CD163L1: variants seen among roughly 807,000 people sequenced by gnomAD.
CD163L1 encodes scavenger receptor cysteine-rich type 1 protein M160.
A neutral mutation model predicts 165.4 loss-of-function variants in CD163L1; 124 were observed. The ratio of observed to expected loss-of-function variants is 0.75; its 90% CI spans 0.65 to 0.87. CD163L1 has a LOEUF of 0.87. Ranked by LOEUF, CD163L1 falls within the 40% of genes least tolerant of loss-of-function variation. The pLI is 0.00. For missense variants in CD163L1, 1,525 were observed against 1,799.9 expected, an observed-to-expected ratio of 0.85 and a Z score of 2.76; for synonymous variants, 585 against 662.2, an observed-to-expected ratio of 0.88 and a Z score of 1.79.
chr12:7,438,313 T>G (rs951407419), intron 2 of CD163L1, among the ~76,000 whole-genome samples: 1 of 152,202 alleles, frequency 6.6e-6, no homozygotes, highest in Non-Finnish European at 1.5e-5. Context: ...ATATCCATTT[T>G]GCAAAGCCAT....
In CD163L1 at chr12:7,368,099, G is replaced by A; in HGVS notation, c.4171C>T (p.Leu1391=). ...TWCRVQKQKH[L]PLRVSTRRRG... is the part of the protein sequence containing the mutation. ...GTGGGGCTCTCACCTCTGAGGGGCA[G>A]ATGTTTTTGTTTCTGAACTCGGCAC... is the stretch of plus-strand genomic sequence containing the variant. The change falls in exon 17 of 20, where the codon CTG becomes TTG. Residue 1391 remains leucine, a synonymous_variant. Coordinates refer to ENST00000313599, the MANE Select transcript of CD163L1 (RefSeq NM_174941.6). The surrounding 1 kb of genome is among the most constrained non-coding windows in gnomAD (Gnocchi z 4.3). 1.2e-6 allele frequency: 2 copies of A among 1,600,194 alleles called. No homozygotes were observed. The highest frequency in any genetic ancestry group is 1.1e-5 in the South Asian group (1 of 90,754).
At chr12:7,438,670 G>A (rs965953882) in intron 2 of CD163L1, 15 of 553,526 alleles carry the variant, frequency 2.7e-5, no homozygotes, top group Admixed American at 2.6e-4. Flanking sequence ...ATTTATGACC[G>A]CCCATGGTCA....
chr12:7,433,533 C>A lies in CD163L1; in HGVS notation c.286G>T (p.Ala96Ser). 1 of 1,614,070 alleles carries A rather than the reference C, an allele frequency of 6.2e-7. No homozygotes were observed. The highest frequency in any genetic ancestry group is 2.2e-5 in the East Asian group (1 of 44,884). The change falls in exon 3 of 20, where the codon GCC becomes TCC. Residue 96 changes from alanine to serine, a missense_variant. By Grantham distance (99) the Ala-to-Ser change is moderately conservative. Transcript: ENST00000313599. ...CKQLGCPFSFAMFRFGQAVTR... is the reference protein window; with the variant it reads ...CKQLGCPFSFSMFRFGQAVTR... Reference sequence around the variant, plus strand: ...ACGGCTTGTCCAAAACGAAACATGGCGAAAGAAAATGGACATCCAAGCTGT... The same window carrying A: ...ACGGCTTGTCCAAAACGAAACATGGAGAAAGAAAATGGACATCCAAGCTGT...
rs1008507356 is a variant in CD163L1, at chr12:7,347,327, G to T, written c.*25-180C>A. On this transcript the variant is annotated intron_variant, in intron 4 of 4. Transcript: ENST00000539726. The surrounding 1 kb of genome is among the most constrained non-coding windows in gnomAD (Gnocchi z 4.2). The stretch of plus-strand genomic sequence containing the variant: ...ATCATTGCTCTTCAAAGATCCTCTT[G>T]GGCTAATGAATACCTGATGTATTTA... 3.9e-5 allele frequency among the ~76,000 whole-genome samples: 6 copies of T among 151,974 alleles called. No individual in the cohort carries two copies. Among genetic ancestry groups the T allele is most frequent in the Non-Finnish European group, 8.8e-5 (6 of 67,992 alleles).
At chr12:7,370,155 A>G (rs1947115032) in intron 14 of CD163L1, among the ~76,000 whole-genome samples, 1 of 152,200 alleles carries the variant, frequency 6.6e-6, no homozygotes, top group Non-Finnish European at 1.5e-5. Flanking sequence ...GATCATAACT[A>G]CAAACACTCT....
intron 4 of CD163L1, among the ~76,000 whole-genome samples, chr12:7,429,303 T>C (rs1269200903): frequency 1.3e-5 from 2 of 152,054 alleles, no homozygotes; most frequent in Non-Finnish European, 2.9e-5. Flanking sequence ...GTTTTAAGAA[T>C]TTCCTTGGAT....
At chr12:7,357,728 C>T (rs1225071923) in intron 18 of CD163L1, 2 of 270,786 alleles carry the variant, frequency 7.4e-6, no homozygotes, top group Non-Finnish European at 1.4e-5. Flanking sequence ...ATCAGATTTG[C>T]TTCCAGTATC....
At chr12:7,443,977 C>T in intron 1 of CD163L1, 120 bp downstream of exon 1, 1 of 934,848 alleles carries the variant, frequency 1.1e-6, no homozygotes, top group Non-Finnish European at 1.6e-6. Context: ...TTTTATATTT[C>T]TCATGTCCTG....
chr12:7,433,585 G>A lies in CD163L1; in HGVS notation c.234C>T (p.Asn78=). The stretch of plus-strand genomic sequence containing the variant: ...TGCACACGACAGTTGAGGCAGTAGT[G>A]TTCCACCCATCATCACACACAGTCC... ...QWGTVCDDGW[N]TTASTVVCKQ... is the part of the protein sequence containing the mutation. Residue 78 remains asparagine (N), a synonymous_variant, in exon 3 of 20, where the codon AAC becomes AAT. Coordinates refer to ENST00000313599, the MANE Select transcript of CD163L1 (RefSeq NM_174941.6). 5 of 1,614,114 alleles carry A rather than the reference G, an allele frequency of 3.1e-6. No homozygotes were observed. Among genetic ancestry groups the A allele is most frequent in the Non-Finnish European group, 4.2e-6 (5 of 1,180,008 alleles).
Position 7,357,435 on chromosome 12 carries a change from C to T in CD163L1, c.4331G>A (p.Gly1444Glu), listed in dbSNP as rs371686598. Residue 1444 changes from glycine (G) to glutamate (E), a missense_variant, in exon 19 of 20, where the codon GGA becomes GAA. By Grantham distance (98) the Gly-to-Glu change is moderately conservative. Coordinates refer to ENST00000313599, the MANE Select transcript of CD163L1 (RefSeq NM_174941.6). Reference sequence around the variant, plus strand: ...TGTGGCTTCAGAGGCAGGAAGAACTCCCAACAGCGATGTGTCGCTAGCATC... The same window carrying T: ...TGTGGCTTCAGAGGCAGGAAGAACTTCCAACAGCGATGTGTCGCTAGCATC... ...CEDASDTSLL[G>E]VLPASEATK 2.5e-6 allele frequency: 4 copies of T among 1,612,572 alleles called. No individual in the cohort carries two copies. Among genetic ancestry groups the T allele is most frequent in the Non-Finnish European group, 3.4e-6 (4 of 1,179,112 alleles).
intron 18 of CD163L1, among the ~76,000 whole-genome samples, chr12:7,358,503 A>G (rs946170638): frequency 5.3e-5 from 8 of 152,160 alleles, no homozygotes; most frequent in African/African-American, 1.7e-4. Context: ...TTAAGAACTC[A>G]CTAGGGAGCC....
At chr12:7,417,901 A>G (rs967028603) in intron 4 of CD163L1, among the ~76,000 whole-genome samples, 1 of 151,370 alleles carries the variant, frequency 6.6e-6, no homozygotes, top group Non-Finnish European at 1.5e-5. Context: ...AAAACAGTGT[A>G]AGATAATTAA....
chr12:7,415,999 AC>A (rs1269535251), intron 4 of CD163L1, among the ~76,000 whole-genome samples: 4 of 152,204 alleles, frequency 2.6e-5, no homozygotes, highest in Admixed American at 2.0e-4. Context: ...AGGAAATGCT[AC>A]ACTGTCTTCC....
chr12:7,384,715 G>A (rs991295163), intron 8 of CD163L1, among the ~76,000 whole-genome samples: 3 of 151,942 alleles, frequency 2.0e-5, no homozygotes, highest in African/African-American at 7.2e-5. Flanking sequence ...CAAAAATGAA[G>A]GAGATATAAG....
chr12:7,328,167 T>C, the CD163L1 span: 1 of 687,778 alleles, frequency 1.5e-6, no homozygotes, highest in South Asian at 1.9e-5. Flanking sequence ...TCAATGAGCT[T>C]AGGCTAAGAT....
intron 4 of CD163L1, among the ~76,000 whole-genome samples, chr12:7,348,327 G>A (rs1946684487): frequency 6.6e-6 from 1 of 152,182 alleles, no homozygotes; most frequent in Non-Finnish European, 1.5e-5. Flanking sequence ...TGAATGTTGA[G>A]AAATATAGCT....
At chr12:7,323,335 A>G in the CD163L1 span, 3 of 1,604,564 alleles carry the variant, frequency 1.9e-6, no homozygotes, top group Non-Finnish European at 2.6e-6. Flanking sequence ...AAAATATCTG[A>G]CTGGTTCAGT....
At chr12:7,339,529 G>A in the CD163L1 span, among the ~76,000 whole-genome samples, 3 of 152,236 alleles carry the variant, frequency 2.0e-5, no homozygotes, top group Non-Finnish European at 2.9e-5. Context: ...TTGGCCATAA[G>A]CTGGCAACTC....
Position 7,398,115 on chromosome 12 carries a change from G to A in CD163L1, c.1729+149C>T, listed in dbSNP as rs1947816984. Reference sequence around the variant, plus strand: ...TACCTGTATAAGTGGAAGAGTTCCAGGTGAAGTGAACTGAAGTCTAATTTA... The same window carrying A: ...TACCTGTATAAGTGGAAGAGTTCCAAGTGAAGTGAACTGAAGTCTAATTTA... On this transcript the variant is annotated intron_variant, in intron 7 of 19. Transcript: ENST00000313599. This position sits in a 1 kb window ranked among gnomAD's most constrained non-coding sequence, Gnocchi z 4.5. 1.5e-6 allele frequency: 1 copy of A among 652,900 alleles called. No individual in the cohort carries two copies. The highest frequency in any genetic ancestry group is 2.1e-5 in the South Asian group (1 of 48,290). 40.4% of individuals were successfully genotyped at this position (652,900 alleles called of 1,614,324 possible). A position where few individuals can be genotyped will look rare whatever the true frequency, so the allele number is the denominator to read the frequency against.
Sources: gnomAD v4.1 joint callset for allele counts (sites outside exome capture counted in the v4.1 genomes callset) on GRCh38, gnomAD v4.1.1 for gene constraint, Gnocchi (gnomAD v3.1) non-coding constraint, MANE v1.5 for transcripts, NCBI Gene and HGNC (gene_info 2026-07-23, HGNC 2026-07-21) for gene names.